The following UGT8 variants were observed in gnomAD, a reference collection of about 807,000 sequenced individuals.
The protein encoded by UGT8 is UDP glycosyltransferase 8, also known as 2-hydroxyacylsphingosine 1-beta-galactosyltransferase.
A neutral mutation model predicts 40.5 loss-of-function variants in UGT8; 12 were observed. The ratio of observed to expected loss-of-function variants is 0.30; its 90% CI spans 0.19 to 0.48. The LOEUF (loss-of-function observed/expected upper bound fraction) is 0.48. Among genes scored for constraint, UGT8 ranks in the 20% least tolerant of loss-of-function variants. The pLI is 0.99. For missense variants in UGT8, 513 were observed against 648.7 expected (o/e 0.79, Z 2.27); for synonymous variants, 224 against 240.4 (o/e 0.93, Z 0.63).
chr4:114,654,014 C>G (rs1734032132), intron 2 of UGT8, among the ~76,000 whole-genome samples: 1 of 152,036 alleles, frequency 6.6e-6, no homozygotes, highest in Non-Finnish European at 1.5e-5. Flanking sequence ...TGCGCTCTGT[C>G]TTTGTTGGTA....
intron 1 of UGT8, among the ~76,000 whole-genome samples, chr4:114,616,670 A>G (rs1478765096): frequency 1.3e-5 from 2 of 152,046 alleles, no homozygotes; most frequent in African/African-American, 2.4e-5. Flanking sequence ...AAATGCAGAA[A>G]TCACCCGTCT....
chr4:114,659,188 T>C (rs1261920231), intron 2 of UGT8, among the ~76,000 whole-genome samples: 1 of 152,202 alleles, frequency 6.6e-6, no homozygotes, highest in Non-Finnish European at 1.5e-5. Context: ...CATCTGATTA[T>C]AGGAAATAGA....
intron 2 of UGT8, among the ~76,000 whole-genome samples, chr4:114,632,251 A>G (rs1732625804): frequency 6.6e-6 from 1 of 152,246 alleles, no homozygotes; most frequent in African/African-American, 2.4e-5. Context: ...GCTGTGAGAG[A>G]TGAAAATGCT....
At chr4:114,644,503 A>G (rs13152031) in intron 2 of UGT8, among the ~76,000 whole-genome samples, 90,894 of 151,980 alleles carry the variant, frequency 0.6, 30,034 homozygotes, top group East Asian at 0.81. Flanking sequence ...ATTGAAATGC[A>G]ATGATTCTTT....
chr4:114,649,144 G>A (rs1338523650), intron 2 of UGT8, among the ~76,000 whole-genome samples: 1 of 152,142 alleles, frequency 6.6e-6, no homozygotes, highest in Non-Finnish European at 1.5e-5. Flanking sequence ...TAGGGTACTA[G>A]AGGTTGCCAA....
intron 4 of UGT8, among the ~76,000 whole-genome samples, chr4:114,666,354 A>G (rs996113149): frequency 6.6e-6 from 1 of 152,156 alleles, no homozygotes. Context: ...AATAGTAATT[A>G]GTATATGCGT....
intron 2 of UGT8, among the ~76,000 whole-genome samples, chr4:114,640,896 G>A (rs1048392199): frequency 1.3e-5 from 2 of 152,140 alleles, no homozygotes; most frequent in East Asian, 1.9e-4. Flanking sequence ...TGAGATTTGG[G>A]TGGGGACACA....
chr4:114,616,021 C>T (rs1041100418), intron 1 of UGT8, among the ~76,000 whole-genome samples: 7 of 152,116 alleles, frequency 4.6e-5, no homozygotes, highest in East Asian at 3.9e-4. Context: ...CTGGGGGGTG[C>T]CTCCCAGTTA....
intron 1 of UGT8, among the ~76,000 whole-genome samples, chr4:114,616,596 C>T (rs183794641): frequency 6.8e-4 from 103 of 152,162 alleles, no homozygotes; most frequent in Non-Finnish European, 1.1e-3. Flanking sequence ...CGGTGTGTTG[C>T]ACCCACTGTC....
intron 2 of UGT8, among the ~76,000 whole-genome samples, chr4:114,643,289 G>C (rs909002583): frequency 2.6e-5 from 4 of 152,118 alleles, no homozygotes; most frequent in Admixed American, 6.5e-5. Context: ...TAGTTACACA[G>C]GTTTGGAGAA....
chr4:114,622,117 A>T (rs1204675459), intron 1 of UGT8, among the ~76,000 whole-genome samples: 1 of 73,854 alleles, frequency 1.4e-5, no homozygotes, highest in African/African-American at 5.4e-5. Flanking sequence ...CCCCCACCCC[A>T]CAACAGTCCC....
chr4:114,607,851 C>T (rs1730825267), intron 1 of UGT8, among the ~76,000 whole-genome samples: 1 of 152,132 alleles, frequency 6.6e-6, no homozygotes, highest in African/African-American at 2.4e-5. Flanking sequence ...AGTCCCACAT[C>T]ACTTCTTCAC....
rs1733693636 is a variant in UGT8 at position 114,648,229 on chromosome 4, T to C, written c.823-15766T>C. 2.0e-5 allele frequency among the ~76,000 whole-genome samples: 3 copies of C among 152,196 alleles called. No homozygotes were observed. The South Asian group carries it at 6.2e-4, about 31-fold the overall frequency. ...TATGTGATAACATTTATGTGCTTTATTAATACTCAAAAGCATATGAGAAAT... is the reference window on the plus strand; with the variant it reads ...TATGTGATAACATTTATGTGCTTTACTAATACTCAAAAGCATATGAGAAAT... On this transcript the variant is annotated intron_variant, in intron 2 of 5. Coordinates refer to ENST00000310836, the MANE Select transcript of UGT8 (RefSeq NM_001128174.3).
At chr4:114,656,527 A>G (rs759493002) in intron 2 of UGT8, among the ~76,000 whole-genome samples, 11 of 152,196 alleles carry the variant, frequency 7.2e-5, no homozygotes, top group Admixed American at 2.0e-4. Context: ...TTAGATTACT[A>G]TTAGCTTTCT....
At chr4:114,673,638 T>A (rs1236651608) in intron 5 of UGT8, among the ~76,000 whole-genome samples, 5 of 152,226 alleles carry the variant, frequency 3.3e-5, no homozygotes, top group South Asian at 4.1e-4. Context: ...GAAAGGGTTA[T>A]ATACACAGTG....
chr4:114,622,288 C>A (rs1235452292), intron 1 of UGT8: 1 of 151,458 alleles, frequency 6.6e-6, no homozygotes, highest in African/African-American at 2.4e-5. Flanking sequence ...ATGAACTCAT[C>A]ATTTTTTATG....
rs1731998172 is a variant in UGT8 at position 114,623,672 on chromosome 4, C to A, written c.792C>A (p.Ile264=). The change falls in exon 2 of 6, where the codon ATC becomes ATA. Residue 264 remains isoleucine (I), a synonymous_variant. Coordinates refer to ENST00000310836, the MANE Select transcript of UGT8 (RefSeq NM_001128174.3). ...TLPNVVYVGG[I]LTKPASPLPE... Reference sequence around the variant, plus strand: ...CTAATGTTGTTTATGTAGGAGGAATCCTAACCAAACCAGCCAGCCCACTAC... The same window carrying A: ...CTAATGTTGTTTATGTAGGAGGAATACTAACCAAACCAGCCAGCCCACTAC... The A allele has an allele frequency of 6.3e-7, 1 of 1,599,846 alleles. No individual in the cohort carries two copies. The highest frequency in any genetic ancestry group is 1.1e-5 in the South Asian group (1 of 90,628).
rs76402868 is a variant in UGT8 at position 114,650,125 on chromosome 4, T to C, written c.823-13870T>C. Among the ~76,000 whole-genome samples, 1,096 of 152,302 alleles carry C rather than the reference T, an allele frequency of 7.2e-3. 14 individuals are homozygous for C. Among genetic ancestry groups the C allele is most frequent in the African/African-American group, 0.024 (1,015 of 41,570 alleles). On this transcript the variant is annotated intron_variant, in intron 2 of 5. Coordinates refer to ENST00000310836, the MANE Select transcript of UGT8 (RefSeq NM_001128174.3). ...TATTAGGATCATTGATTCTCCTCTCTTCAGGTGCTAAATCTTTTGGGGTGA... is the reference window on the plus strand; with the variant it reads ...TATTAGGATCATTGATTCTCCTCTCCTCAGGTGCTAAATCTTTTGGGGTGA...
intron 1 of UGT8, among the ~76,000 whole-genome samples, chr4:114,621,352 AAATGCATCAG>A (rs1276179328): frequency 6.6e-6 from 1 of 152,212 alleles, no homozygotes. Flanking sequence ...TAATGCCCTG[AAATGCATCAG>A]CAAATTGACA....
Sources: allele counts gnomAD v4.1 joint callset (sites outside exome capture counted in the v4.1 genomes callset), GRCh38; gene constraint gnomAD v4.1.1; transcripts MANE v1.5; gene names NCBI Gene and HGNC (gene_info 2026-07-23, HGNC 2026-07-21).